TASOR: variants seen among roughly 807,000 people sequenced by gnomAD.
The protein encoded by TASOR is transcription activation suppressor.
In TASOR, 53 loss-of-function variants were observed where a neutral mutation model predicts 178.6. The observed-to-expected ratio is 0.30, with a 90% CI of 0.24 to 0.37. The LOEUF is 0.37. Ranked by LOEUF, TASOR falls within the 10% of genes least tolerant of loss-of-function variation. The pLI, the probability that TASOR is intolerant of heterozygous loss-of-function variation, is 1.00. For missense variants in TASOR, 1,815 were observed against 1,971.4 expected (o/e 0.92, Z 1.50); for synonymous variants, 713 against 696.2 (o/e 1.02, Z -0.38).
intron 2 of TASOR, among the ~76,000 whole-genome samples, chr3:56,671,965 A>G (rs1035763568): frequency 2.0e-5 from 3 of 152,182 alleles, no homozygotes; most frequent in African/African-American, 7.2e-5. Context: ...TTATAAATTC[A>G]TGCTTTAATT....
intron 18 of TASOR, 144 bp downstream of exon 18, chr3:56,632,900 G>A: frequency 1.6e-6 from 1 of 637,624 alleles, no homozygotes; most frequent in East Asian, 3.0e-5. Context: ...AGCCTCCCAA[G>A]TTTTGGGATT....
intron 23 of TASOR, chr3:56,623,980 A>T: frequency 3.0e-6 from 2 of 668,978 alleles, no homozygotes; most frequent in South Asian, 2.3e-5. Context: ...CATCAAAAAC[A>T]AAAGTACATC....
rs1305179655 is a variant in TASOR at position 56,623,354 on chromosome 3, G to T, written c.4696C>A (p.Leu1566Ile). ...QNSLLEDKTY[L>I]DSEERTSIDI... Reference sequence around the variant, plus strand: ...ATAGAAGTTCTCTCTTCAGAATCAAGGTAAGTCTTATCTTCTAATAAACTG... The same window carrying T: ...ATAGAAGTTCTCTCTTCAGAATCAATGTAAGTCTTATCTTCTAATAAACTG... Residue 1566 changes from leucine to isoleucine, a missense_variant, in exon 24 of 24, where the codon CTT becomes ATT. Physicochemically the swap from Leu to Ile is conservative, Grantham distance 5 (BLOSUM62 2). Coordinates refer to ENST00000683822, the MANE Select transcript of TASOR (RefSeq NM_001365635.2). The T allele has an allele frequency of 6.2e-7, 1 of 1,613,510 alleles. No individual in the cohort carries two copies. The highest frequency in any genetic ancestry group is 8.5e-7 in the Non-Finnish European group (1 of 1,179,940).
intron 9 of TASOR, among the ~76,000 whole-genome samples, chr3:56,661,468 TG>T (rs775211931): frequency 4.5e-4 from 69 of 152,316 alleles, no homozygotes; most frequent in Non-Finnish European, 7.1e-4. Flanking sequence ...AAAGGGGATT[TG>T]ATACTGGAAG....
chr3:56,627,027 C>CA lies in TASOR; in HGVS notation c.4139+9dup, dbSNP rs1559813350. 6.6e-7 allele frequency: 1 copy of CA among 1,521,746 alleles called. No homozygotes were observed. The highest frequency in any genetic ancestry group is 9.1e-7 in the Non-Finnish European group (1 of 1,104,938). 94.3% of individuals were successfully genotyped at this position (1,521,746 alleles called of 1,614,324 possible). A position where few individuals can be genotyped will look rare whatever the true frequency, so the allele number is the denominator to read the frequency against. ...CAACAACCATTATATAGTTATGTTT[C>CA]AAAGCTTACCTGCCTAGTTCCTTTA... On this transcript the variant is annotated intron_variant, in intron 21 of 23. Coordinates refer to ENST00000683822, the MANE Select transcript of TASOR (RefSeq NM_001365635.2).
At chr3:56,681,731 T>C (rs948169107) in intron 1 of TASOR, among the ~76,000 whole-genome samples, 1 of 152,220 alleles carries the variant, frequency 6.6e-6, no homozygotes, top group Non-Finnish European at 1.5e-5. Flanking sequence ...ATTTACTGGA[T>C]AGTTAAAAAA....
In TASOR at chr3:56,683,157, G is replaced by A; in HGVS notation, c.-151C>T. 1 of 813,506 alleles carries A rather than the reference G, an allele frequency of 1.2e-6. No individual in the cohort carries two copies. The highest frequency in any genetic ancestry group is 1.9e-6 in the Non-Finnish European group (1 of 537,230). The allele number at this position is 813,506 out of a possible 1,614,324, so 50.4% of individuals were successfully genotyped here. A position where few individuals can be genotyped will look rare whatever the true frequency, so the allele number is the denominator to read the frequency against. On this transcript the variant is annotated 5_prime_UTR_variant, in exon 1 of 24. Transcript: ENST00000683822. Reference sequence around the variant, plus strand: ...CTCAGGCTGCGCTCCCGACCTGGCAGCCTCTTGGGGGGCCCTGTAGCGGGC... The same window carrying A: ...CTCAGGCTGCGCTCCCGACCTGGCAACCTCTTGGGGGGCCCTGTAGCGGGC...
chr3:56,655,322 T>C (rs1232343950), intron 11 of TASOR, among the ~76,000 whole-genome samples: 1 of 152,216 alleles, frequency 6.6e-6, no homozygotes, highest in Non-Finnish European at 1.5e-5. Context: ...AGTTCCCTTT[T>C]ATCTGCAGAA....
chr3:56,678,139 TA>T (rs1253089942), intron 1 of TASOR, among the ~76,000 whole-genome samples: 6 of 151,920 alleles, frequency 3.9e-5, no homozygotes, highest in Admixed American at 3.3e-4. Flanking sequence ...TATCATCAAA[TA>T]TTTTTTATTA....
At chr3:56,662,167 A>G (rs1344201126) in intron 9 of TASOR, among the ~76,000 whole-genome samples, 1 of 152,084 alleles carries the variant, frequency 6.6e-6, no homozygotes, top group Non-Finnish European at 1.5e-5. Context: ...TATACCGTAA[A>G]TGTACTGACT....
Position 56,621,818 on chromosome 3 carries a change from TAAAAAA to T in TASOR, c.*1213_*1218del, listed in dbSNP as rs11401064. 3.7e-5 allele frequency: 5 copies of T among 134,076 alleles called. No individual in the cohort carries two copies. Among genetic ancestry groups the T allele is most frequent in the South Asian group, 2.4e-4 (1 of 4,164 alleles). The allele number at this position is 134,076 out of a possible 1,614,324, so 8.3% of individuals were successfully genotyped here. A position where few individuals can be genotyped will look rare whatever the true frequency, so the allele number is the denominator to read the frequency against. Reference sequence around the variant, plus strand: ...TACTTCTTTTGTAAAAGCTTAGTAGTAAAAAAAAAAAAAAAAAAACCGGTTCTTCTG... The same window carrying T: ...TACTTCTTTTGTAAAAGCTTAGTAGTAAAAAAAAAAAAACCGGTTCTTCTG... On this transcript the variant is annotated 3_prime_UTR_variant, in exon 24 of 24. Transcript: ENST00000683822.
Position 56,623,356 on chromosome 3 carries a change from T to C in TASOR, c.4694A>G (p.Tyr1565Cys). ...VQNSLLEDKT[Y>C]LDSEERTSID... Reference sequence around the variant, plus strand: ...AGAAGTTCTCTCTTCAGAATCAAGGTAAGTCTTATCTTCTAATAAACTGTT... The same window carrying C: ...AGAAGTTCTCTCTTCAGAATCAAGGCAAGTCTTATCTTCTAATAAACTGTT... The change falls in exon 24 of 24, where the codon TAC becomes TGC. Residue 1565 changes from tyrosine (Y) to cysteine (C), a missense_variant. Tyr to Cys is a radical substitution (Grantham distance 194, BLOSUM62 -2). Transcript: ENST00000683822. 1.9e-6 allele frequency: 3 copies of C among 1,613,648 alleles called. No individual in the cohort carries two copies. The highest frequency in any genetic ancestry group is 2.7e-5 in the African/African-American group (2 of 75,064).
At chr3:56,670,660 G>A (rs745862073) in intron 3 of TASOR, among the ~76,000 whole-genome samples, 3 of 152,098 alleles carry the variant, frequency 2.0e-5, no homozygotes, top group Non-Finnish European at 2.9e-5. Flanking sequence ...AACAGACCAG[G>A]CATGGTGGCT....
intron 1 of TASOR, among the ~76,000 whole-genome samples, chr3:56,681,699 G>A (rs989537927): frequency 6.6e-6 from 1 of 152,190 alleles, no homozygotes; most frequent in Non-Finnish European, 1.5e-5. Context: ...AAAGGAAGTT[G>A]TCTAAATTCA....
chr3:56,630,044 C>T (rs1387102153), intron 18 of TASOR, among the ~76,000 whole-genome samples: 1 of 151,438 alleles, frequency 6.6e-6, no homozygotes, highest in African/African-American at 2.4e-5. Context: ...CGGCTCACTG[C>T]AAGCTCTGCC....
At chr3:56,627,488 C>A (rs1294802043) in intron 20 of TASOR, 94 bp downstream of exon 20, 10 of 1,320,968 alleles carry the variant, frequency 7.6e-6, no homozygotes, top group African/African-American at 1.5e-5. Context: ...CTGAAATGTA[C>A]TAGTTATCTG....
At chr3:56,657,411 G>A (rs1018850471) in intron 11 of TASOR, among the ~76,000 whole-genome samples, 7 of 151,260 alleles carry the variant, frequency 4.6e-5, no homozygotes, top group African/African-American at 9.7e-5. Flanking sequence ...GGATTTCTAC[G>A]TGCCACTGCA....
In TASOR at chr3:56,641,405, A is replaced by T. The variant is rs1174688979; in HGVS notation, c.2563T>A (p.Ser855Thr). ...ACTTCGCTGGTAGAAATAGCAACAG[A>T]ATACTTAGATGTTGCATCAACTTCT... Reference protein sequence around the residue: ...LLEVDATSKYSVAISTSEVGT... With the variant: ...LLEVDATSKYTVAISTSEVGT... The change falls in exon 15 of 24, where the codon TCT becomes ACT. Residue 855 changes from serine to threonine, a missense_variant. Physicochemically the swap from Ser to Thr is moderately conservative, Grantham distance 58. Coordinates refer to ENST00000683822, the MANE Select transcript of TASOR (RefSeq NM_001365635.2). 1.2e-6 allele frequency: 2 copies of T among 1,600,370 alleles called. No individual in the cohort carries two copies. The highest frequency in any genetic ancestry group is 8.6e-7 in the Non-Finnish European group (1 of 1,168,252).
At chr3:56,649,180 T>C in intron 11 of TASOR, 123 bp from the exon 12 acceptor site, 1 of 567,370 alleles carries the variant, frequency 1.8e-6, no homozygotes, top group Non-Finnish European at 3.0e-6. Context: ...TAAGAAAAAA[T>C]ATTGCTAATG....
Sources: gnomAD v4.1 joint callset for allele counts (sites outside exome capture counted in the v4.1 genomes callset) on GRCh38, gnomAD v4.1.1 for gene constraint, MANE v1.5 for transcripts, NCBI Gene and HGNC (gene_info 2026-07-23, HGNC 2026-07-21) for gene names.